Variants in TLL2 observed in about 807,000 individuals in gnomAD.
TLL2 encodes tolloid like 2.
Under a neutral mutation model 123.0 loss-of-function variants are expected in TLL2, and 106 were observed. The ratio of observed to expected loss-of-function variants is 0.86; its 90% confidence interval spans 0.74 to 1.01. The LOEUF is 1.01. Ranked by LOEUF, TLL2 falls within the 50% of genes least tolerant of loss-of-function variation. The pLI is 0.00. For synonymous variants in TLL2, 494 were observed against 516.8 expected (o/e 0.96, Z 0.60); for missense variants, 1,332 against 1,336.7 (o/e 1.00, Z 0.06).
rs1285354320 is a variant in TLL2 at position 96,476,248 on chromosome 10, T to TTTTTTTTTTTTTTTTTG, written c.286+4100_286+4101insCAAAAAAAAAAAAAAAA. On this transcript the variant is annotated intron_variant, in intron 2 of 20. Transcript: ENST00000357947. Reference sequence around the variant, plus strand: ...TATATATATATATATATATTTTATTTTTGTTGTTGTTGTTGTTGTTGAGAC... The same window carrying TTTTTTTTTTTTTTTTTG: ...TATATATATATATATATATTTTATTTTTTTTTTTTTTTTTTTGTTGTTGTTGTTGTTGTTGTTGAGAC... Among the ~76,000 whole-genome samples the TTTTTTTTTTTTTTTTTG allele has an allele frequency of 3.3e-3, 227 of 69,056 alleles. 7 individuals carry two copies. Among genetic ancestry groups the TTTTTTTTTTTTTTTTTG allele is most frequent in the African/African-American group, 4.7e-3 (76 of 16,014 alleles). 45.3% of individuals were successfully genotyped at this position (69,056 alleles called of 152,430 possible).
chr10:96,407,711 G>A (rs553753489), intron 9 of TLL2, among the ~76,000 whole-genome samples: 6 of 152,244 alleles, frequency 3.9e-5, no homozygotes, highest in East Asian at 1.9e-4. Flanking sequence ...CCAATGTTTC[G>A]TCTCAGGACA....
At position 96,478,509 on chromosome 10, in the gene TLL2, G is replaced by A. The variant is rs868505829; in HGVS notation, c.286+1840C>T. On this transcript the variant is annotated intron_variant, in intron 2 of 20. Transcript: ENST00000357947. ...ACAGGCCCAGTGGAAATGAGTGCTC[G>A]TGTTCACCAAAACACTACGTCCAAG... Among the ~76,000 whole-genome samples the A allele has an allele frequency of 3.9e-5, 6 of 152,342 alleles. No homozygotes were observed. In the South Asian group the frequency reaches 8.3e-4, roughly 21 times the overall value.
At chr10:96,495,347 T>C (rs966460567) in intron 1 of TLL2, among the ~76,000 whole-genome samples, 2 of 152,190 alleles carry the variant, frequency 1.3e-5, no homozygotes, top group Non-Finnish European at 2.9e-5. Context: ...TAAAGCAGTT[T>C]TCTGTGAATC....
At chr10:96,491,047 A>T (rs1847407120) in intron 1 of TLL2, among the ~76,000 whole-genome samples, 2 of 152,178 alleles carry the variant, frequency 1.3e-5, no homozygotes, top group South Asian at 4.1e-4. Context: ...TTCCTCACAG[A>T]GATGTAGAGC....
chr10:96,408,770 C>T (rs987385237), intron 9 of TLL2, among the ~76,000 whole-genome samples: 1 of 152,214 alleles, frequency 6.6e-6, no homozygotes, highest in Non-Finnish European at 1.5e-5. Context: ...TATCTACTAG[C>T]CTGGCCCCTT....
intron 2 of TLL2, among the ~76,000 whole-genome samples, chr10:96,448,642 G>GA (rs1330775609): frequency 6.6e-6 from 1 of 152,094 alleles, no homozygotes; most frequent in Non-Finnish European, 1.5e-5. Context: ...AAGGGTAGGG[G>GA]AAAAAATGAC....
chr10:96,489,354 CCT>C lies in TLL2; in HGVS notation c.176-8897_176-8896del, dbSNP rs371533917. ...CCAGCCTGGGCAACAACGTGAGACCCCTGTCTCTACCAAAAAATCAAAACATT... is the reference window on the plus strand; with the variant it reads ...CCAGCCTGGGCAACAACGTGAGACCCGTCTCTACCAAAAAATCAAAACATT... On this transcript the variant is annotated intron_variant, in intron 1 of 20. Coordinates refer to ENST00000357947, the MANE Select transcript of TLL2 (RefSeq NM_012465.4). 2.8e-4 allele frequency among the ~76,000 whole-genome samples: 42 copies of C among 152,090 alleles called. No homozygotes were observed. In the East Asian group the frequency reaches 7.6e-3, roughly 27 times the overall value.
rs1846829240 is a variant in TLL2, at chr10:96,439,334, C to T, written c.365-6372G>A. Among the ~76,000 whole-genome samples, 4 of 151,360 alleles carry T rather than the reference C, an allele frequency of 2.6e-5. No homozygotes were observed. In the South Asian group the frequency reaches 8.4e-4, roughly 32 times the overall value. ...CAGGCTGGTTTTGAACTCCTGGCCT[C>T]AAGTGATCCACCCTATTTGGCCTCC... is the stretch of plus-strand genomic sequence containing the variant. On this transcript the variant is annotated intron_variant, in intron 3 of 20. Coordinates refer to ENST00000357947, the MANE Select transcript of TLL2 (RefSeq NM_012465.4).
In TLL2 at chr10:96,373,476, C is replaced by A. The variant is rs374959597; in HGVS notation, c.2662+120G>T. On this transcript the variant is annotated intron_variant, in intron 19 of 20. Transcript: ENST00000357947. ...TTTTAATAGGACATTTTATCACGCA[C>A]CTTCCTCCCCTCGCCCTCCCCCAGT... The A allele has an allele frequency of 5.4e-5, 50 of 932,326 alleles. No individual in the cohort carries two copies. In the East Asian group the frequency reaches 5.8e-4, roughly 11 times the overall value. 57.8% of individuals were successfully genotyped at this position (932,326 alleles called of 1,614,324 possible).
chr10:96,415,881 A>G (rs571921691), intron 7 of TLL2, among the ~76,000 whole-genome samples: 1 of 147,808 alleles, frequency 6.8e-6, no homozygotes, highest in African/African-American at 2.5e-5. Context: ...TTTTGTGCAG[A>G]CTTTTTTTTT....
chr10:96,413,982 T>C (rs1341798369), intron 7 of TLL2, among the ~76,000 whole-genome samples: 1 of 152,156 alleles, frequency 6.6e-6, no homozygotes, highest in Non-Finnish European at 1.5e-5. Context: ...CAATAAGAAA[T>C]TTGTTGAGAT....
intron 9 of TLL2, among the ~76,000 whole-genome samples, chr10:96,406,133 G>A (rs1436608570): frequency 6.6e-6 from 1 of 152,166 alleles, no homozygotes; most frequent in Admixed American, 6.5e-5. Flanking sequence ...GGGGAGGGCT[G>A]GGTGGTCCCA....
chr10:96,476,241 T>TATATATCTATATATATATTC (rs1554939631), intron 2 of TLL2, among the ~76,000 whole-genome samples: 1 of 72,410 alleles, frequency 1.4e-5, no homozygotes, highest in Admixed American at 1.5e-4. Context: ...TATATATATA[T>TATATATCTATATATATATTC]TTTATTTTTG....
intron 2 of TLL2, among the ~76,000 whole-genome samples, chr10:96,478,819 G>A (rs879251282): frequency 6.6e-6 from 1 of 152,172 alleles, no homozygotes; most frequent in Non-Finnish European, 1.5e-5. Context: ...GGGATGTGAG[G>A]AGTCTCTGGG....
intron 1 of TLL2, among the ~76,000 whole-genome samples, chr10:96,487,478 G>C (rs926069170): frequency 6.6e-6 from 1 of 152,112 alleles, no homozygotes; most frequent in Non-Finnish European, 1.5e-5. Flanking sequence ...CAGACAGCGG[G>C]GGCTAAATCA....
intron 2 of TLL2, among the ~76,000 whole-genome samples, chr10:96,478,744 G>A (rs1248248390): frequency 6.6e-6 from 1 of 152,172 alleles, no homozygotes; most frequent in African/African-American, 2.4e-5. Context: ...CTCCATGCAG[G>A]TAAAAGGAGT....
intron 16 of TLL2, among the ~76,000 whole-genome samples, chr10:96,384,130 G>A (rs1846208892): frequency 6.6e-6 from 1 of 152,038 alleles, no homozygotes; most frequent in Non-Finnish European, 1.5e-5. Flanking sequence ...GGAAAAGGAG[G>A]GGACACAGAG....
Position 96,366,671 on chromosome 10 carries a change from A to T in TLL2, c.*1417T>A, listed in dbSNP as rs1272731860. ...TTAAAATGATGCTGATTCATCCCAA[A>T]GGAATTCCGGTGCATGGGAGCTATC... On this transcript the variant is annotated 3_prime_UTR_variant, in exon 21 of 21. Transcript: ENST00000357947. The T allele has an allele frequency of 1.3e-5, 2 of 152,504 alleles. No individual in the cohort carries two copies. The highest frequency in any genetic ancestry group is 3.8e-4 in the East Asian group (2 of 5,202). 9.4% of individuals were successfully genotyped at this position (152,504 alleles called of 1,614,324 possible).
chr10:96,431,796 G>C (rs544259662), intron 4 of TLL2, among the ~76,000 whole-genome samples: 2 of 152,160 alleles, frequency 1.3e-5, no homozygotes, highest in Admixed American at 6.5e-5. Flanking sequence ...AGGCGCTGGT[G>C]GGGGGAGGGC....
Sources: allele counts gnomAD v4.1 joint callset (sites outside exome capture counted in the v4.1 genomes callset), GRCh38; gene constraint gnomAD v4.1.1; transcripts MANE v1.5; gene names NCBI Gene and HGNC (gene_info 2026-07-23, HGNC 2026-07-21).